DLGAP2: variants seen among roughly 807,000 people sequenced by gnomAD.
DLGAP2 encodes the protein disks large-associated protein 2.
DLGAP2 carries 26 observed loss-of-function variants against 100.3 expected under a neutral mutation model. The ratio of observed to expected loss-of-function variants is 0.26; its 90% CI spans 0.19 to 0.36. The LOEUF (loss-of-function observed/expected upper bound fraction) is 0.36, where lower values mean the gene tolerates loss of function less well. DLGAP2 is among the 10% of genes least tolerant of loss of function. The probability of loss-of-function intolerance (pLI) is 1.00; values close to 1 mark genes in which losing one functional copy is unlikely to be tolerated. For missense variants in DLGAP2, 1,858 were observed against 1,453.2 expected (o/e 1.28, Z -4.53); for synonymous variants, 886 against 630.1 (o/e 1.41, Z -6.08).
At chr8:1,593,494 A>G (rs1432571062) in intron 6 of DLGAP2, among the ~76,000 whole-genome samples, 2 of 152,036 alleles carry the variant, frequency 1.3e-5, no homozygotes, top group Non-Finnish European at 2.9e-5. Flanking sequence ...AAATAAATAA[A>G]TAAATGACAC....
At chr8:1,682,206 A>C (rs1798969068) in intron 12 of DLGAP2, among the ~76,000 whole-genome samples, 1 of 152,168 alleles carries the variant, frequency 6.6e-6, no homozygotes, top group Non-Finnish European at 1.5e-5. Context: ...CTCAGCTGCG[A>C]AGACAGAGGC....
chr8:808,983 T>C (rs1287449376), intron 1 of DLGAP2, among the ~76,000 whole-genome samples: 2 of 149,282 alleles, frequency 1.3e-5, no homozygotes, highest in African/African-American at 4.9e-5. Flanking sequence ...CTTGGCTCAC[T>C]GCAGCCTCCA....
chr8:948,986 C>T (rs1799405833), intron 2 of DLGAP2, among the ~76,000 whole-genome samples: 1 of 149,160 alleles, frequency 6.7e-6, no homozygotes, highest in South Asian at 2.1e-4. Flanking sequence ...CTTGAGGAGT[C>T]GCCGGGGTGG....
chr8:1,068,948 G>A (rs778521526), intron 2 of DLGAP2, among the ~76,000 whole-genome samples: 1 of 152,136 alleles, frequency 6.6e-6, no homozygotes, highest in Non-Finnish European at 1.5e-5. Context: ...GCAGGTTCTG[G>A]CCTGGCCTTT....
intron 13 of DLGAP2, among the ~76,000 whole-genome samples, chr8:1,695,978 G>C (rs1484112633): frequency 6.6e-6 from 1 of 152,248 alleles, no homozygotes; most frequent in Non-Finnish European, 1.5e-5. Flanking sequence ...TGGCTGCAGA[G>C]AAGAATGGGC....
At chr8:1,188,985 G>C (rs1281927927) in intron 2 of DLGAP2, among the ~76,000 whole-genome samples, 1 of 148,944 alleles carries the variant, frequency 6.7e-6, no homozygotes, top group African/African-American at 2.5e-5. Context: ...CGGGCCCCAG[G>C]CCGGTTCCGC....
rs375249917 is a variant in DLGAP2, at chr8:1,678,323, G to A, written c.2398G>A (p.Gly800Ser). ...ITTEDKGLQF[G>S]SSFQRHSEPS... ...CACGGAGGACAAAGGCCTTCAGTTC[G>A]GCTCATCCTTCCAGCGGCACTCCGA... is the stretch of plus-strand genomic sequence containing the variant. Residue 800 changes from glycine (G) to serine (S), a missense_variant, in exon 12 of 15, where the codon GGC becomes AGC. Gly to Ser is a moderately conservative substitution (Grantham distance 56). Coordinates refer to ENST00000637795, the MANE Select transcript of DLGAP2 (RefSeq NM_001346810.2). 3.4e-5 allele frequency: 55 copies of A among 1,613,854 alleles called. No individual in the cohort carries two copies. The highest frequency in any genetic ancestry group is 1.5e-4 in the Admixed American group (9 of 59,992).
At chr8:1,351,489 T>C (rs540838719) in intron 3 of DLGAP2, among the ~76,000 whole-genome samples, 2 of 43,766 alleles carry the variant, frequency 4.6e-5, no homozygotes, top group African/African-American at 7.0e-5. Flanking sequence ...CCTGAGTGTG[T>C]GTGGATAGGC....
chr8:1,635,635 C>A (rs1483072690), intron 8 of DLGAP2, among the ~76,000 whole-genome samples: 1 of 152,054 alleles, frequency 6.6e-6, no homozygotes, highest in Non-Finnish European at 1.5e-5. Flanking sequence ...AAGTGAGTAC[C>A]TTGAAGAACG....
intron 3 of DLGAP2, among the ~76,000 whole-genome samples, chr8:1,464,584 A>T (rs1328694858): frequency 1.3e-5 from 2 of 152,072 alleles, no homozygotes; most frequent in East Asian, 3.9e-4. Context: ...CTCTTCCAGG[A>T]CAGCTCCCTT....
intron 2 of DLGAP2, among the ~76,000 whole-genome samples, chr8:1,033,714 G>A (rs1404303735): frequency 6.6e-6 from 1 of 150,704 alleles, no homozygotes; most frequent in East Asian, 2.0e-4. Context: ...CGCTCATCCC[G>A]ACCCCGCGTG....
intron 2 of DLGAP2, among the ~76,000 whole-genome samples, chr8:1,104,502 G>T (rs556901675): frequency 6.6e-6 from 1 of 152,336 alleles, no homozygotes; most frequent in Non-Finnish European, 1.5e-5. Flanking sequence ...AAAACCACGA[G>T]CATCTTCAGA....
intron 8 of DLGAP2, among the ~76,000 whole-genome samples, chr8:1,634,917 T>C (rs1797732171): frequency 6.6e-6 from 1 of 152,084 alleles, no homozygotes; most frequent in Admixed American, 6.5e-5. Context: ...CCAAATAAAT[T>C]ACAAAAAAAA....
intron 2 of DLGAP2, chr8:1,018,908 G>A (rs1420404644): frequency 6.6e-6 from 1 of 152,116 alleles, no homozygotes; most frequent in Non-Finnish European, 1.5e-5. Context: ...GGCTGAAACG[G>A]CAGTTGCTCA....
At chr8:1,506,055 C>T (rs1261738064) in intron 4 of DLGAP2, among the ~76,000 whole-genome samples, 2 of 152,128 alleles carry the variant, frequency 1.3e-5, no homozygotes. Flanking sequence ...TAAAATAATA[C>T]TTAGAGCCTT....
chr8:901,762 G>C (rs1336804795), intron 1 of DLGAP2, among the ~76,000 whole-genome samples: 1 of 152,218 alleles, frequency 6.6e-6, no homozygotes, highest in Non-Finnish European at 1.5e-5. Flanking sequence ...TGGCAGCGTC[G>C]TTCTCCTGAC....
intron 2 of DLGAP2, among the ~76,000 whole-genome samples, chr8:1,196,354 C>A (rs79523085): frequency 0.016 from 2,459 of 152,326 alleles, 94 homozygotes; most frequent in African/African-American, 0.056. Flanking sequence ...GTGTACCTGT[C>A]TTTCCCCCAT....
In DLGAP2 at chr8:1,029,465, T is replaced by C. The variant is rs147339163; in HGVS notation, c.73+121499T>C. Among the ~76,000 whole-genome samples, 200 of 152,262 alleles carry C rather than the reference T, an allele frequency of 1.3e-3. 2 individuals carry two copies. The highest frequency in any genetic ancestry group is 4.5e-3 in the African/African-American group (187 of 41,540). ...GGTTCTGGTGGGATGGCCAACGGCA[T>C]CCAGCAGTGCTGAGAGGTTCTGGGG... On this transcript the variant is annotated intron_variant, in intron 2 of 14. Coordinates refer to ENST00000637795, the MANE Select transcript of DLGAP2 (RefSeq NM_001346810.2).
intron 1 of DLGAP2, among the ~76,000 whole-genome samples, chr8:793,541 C>A (rs556853936): frequency 6.6e-6 from 1 of 152,294 alleles, no homozygotes; most frequent in South Asian, 2.1e-4. Flanking sequence ...GCTTCTCTTC[C>A]TTCAGTTTTG....
Sources: allele counts gnomAD v4.1 joint callset (sites outside exome capture counted in the v4.1 genomes callset), GRCh38; gene constraint gnomAD v4.1.1; transcripts MANE v1.5; gene names NCBI Gene and HGNC (gene_info 2026-07-23, HGNC 2026-07-21).